The following PDGFD variants were observed in gnomAD, a reference collection of about 807,000 sequenced individuals.
PDGFD encodes platelet-derived growth factor D.
PDGFD carries 30 observed loss-of-function variants against 44.7 expected under a neutral mutation model. The observed-to-expected ratio is 0.67, with a 90% CI of 0.50 to 0.91. The LOEUF is 0.91. PDGFD is among the 40% of genes least tolerant of loss of function. The pLI, the probability that PDGFD is intolerant of heterozygous loss-of-function variation, is 0.00. For synonymous variants in PDGFD, 173 were observed against 168.4 expected (o/e 1.03, Z -0.21); for missense variants, 445 against 457.8 (o/e 0.97, Z 0.25).
intron 3 of PDGFD, among the ~76,000 whole-genome samples, chr11:103,953,190 T>C (rs1018217055): frequency 6.6e-6 from 1 of 152,096 alleles, no homozygotes; most frequent in Non-Finnish European, 1.5e-5. Flanking sequence ...ACAAAATGTA[T>C]ACATACAAAA....
intron 1 of PDGFD, among the ~76,000 whole-genome samples, chr11:104,093,442 T>C (rs570706872): frequency 6.6e-6 from 1 of 152,246 alleles, no homozygotes; most frequent in East Asian, 1.9e-4. Flanking sequence ...CCTCTAGGCC[T>C]ACCCCTACAG....
intron 3 of PDGFD, among the ~76,000 whole-genome samples, chr11:103,949,753 G>C (rs1858720978): frequency 6.6e-6 from 1 of 152,198 alleles, no homozygotes. Context: ...TGGGTGCTCT[G>C]ATACCAGTCT....
intron 1 of PDGFD, among the ~76,000 whole-genome samples, chr11:104,135,047 C>T (rs951525316): frequency 2.0e-5 from 3 of 152,180 alleles, no homozygotes; most frequent in Admixed American, 6.5e-5. Context: ...GTAGGGGCTA[C>T]AGTTAGTCCC....
chr11:104,041,059 CA>C (rs1477279607), intron 1 of PDGFD, among the ~76,000 whole-genome samples: 2 of 151,974 alleles, frequency 1.3e-5, no homozygotes, highest in African/African-American at 4.8e-5. Flanking sequence ...AAAATTCTTA[CA>C]AAATTTTATT....
intron 1 of PDGFD, among the ~76,000 whole-genome samples, chr11:104,026,064 C>T (rs771763798): frequency 3.3e-5 from 5 of 152,204 alleles, no homozygotes; most frequent in Non-Finnish European, 7.3e-5. Flanking sequence ...GCCATTGCTG[C>T]TGTTGATCCC....
intron 5 of PDGFD, among the ~76,000 whole-genome samples, chr11:103,934,248 C>T (rs1227312618): frequency 1.3e-5 from 2 of 152,174 alleles, no homozygotes; most frequent in Admixed American, 6.6e-5. Flanking sequence ...GTGTTTGAAG[C>T]ACAGGTCTAA....
intron 1 of PDGFD, among the ~76,000 whole-genome samples, chr11:104,098,622 C>T (rs1182150182): frequency 6.6e-6 from 1 of 151,796 alleles, no homozygotes; most frequent in African/African-American, 2.4e-5. Context: ...GATCCTCCTG[C>T]CTCAGCCTCC....
intron 1 of PDGFD, among the ~76,000 whole-genome samples, chr11:104,075,874 G>A (rs1330076897): frequency 6.6e-6 from 1 of 152,064 alleles, no homozygotes; most frequent in Non-Finnish European, 1.5e-5. Flanking sequence ...TTATTGCAAA[G>A]GCCTCTTAAT....
At chr11:103,935,277 A>G (rs1858471392) in intron 5 of PDGFD, among the ~76,000 whole-genome samples, 1 of 152,194 alleles carries the variant, frequency 6.6e-6, no homozygotes. Context: ...AGGCACCAGG[A>G]GGAAAAACAA....
At chr11:103,994,029 A>C (rs1173933672) in intron 3 of PDGFD, among the ~76,000 whole-genome samples, 1 of 152,244 alleles carries the variant, frequency 6.6e-6, no homozygotes, top group Admixed American at 6.5e-5. Context: ...CCAATATTCC[A>C]CTTAAAATTG....
rs144631341 is a variant in PDGFD, at chr11:103,930,063, T to C, written c.773-2937A>G. 3.0e-4 allele frequency among the ~76,000 whole-genome samples: 45 copies of C among 152,342 alleles called. No individual in the cohort carries two copies. The East Asian group carries it at 7.9e-3, about 27-fold the overall frequency. ...CCTTATTTCATCCCAGTCTACATCA[T>C]GGAATAATCCCTCTTTTTCTGTCAT... On this transcript the variant is annotated intron_variant, in intron 5 of 6. Transcript: ENST00000393158.
intron 1 of PDGFD, among the ~76,000 whole-genome samples, chr11:104,086,277 T>A (rs1861129549): frequency 6.6e-6 from 1 of 152,082 alleles, no homozygotes. Context: ...AATTTACATA[T>A]TTTCTACCTG....
In PDGFD at chr11:104,084,571, A is replaced by G. The variant is rs550258295; in HGVS notation, c.124+79233T>C. On this transcript the variant is annotated intron_variant, in intron 1 of 6. Transcript: ENST00000393158. ...ACATTTCTCAAGCATTTTGTTCTCT[A>G]GGATCTTTACACACTCTTTTTTTAA... 3.9e-4 allele frequency among the ~76,000 whole-genome samples: 59 copies of G among 150,724 alleles called. No individual in the cohort carries two copies. The South Asian group carries it at 0.011, about 28-fold the overall frequency.
At chr11:104,033,547 A>G (rs1253221160) in intron 1 of PDGFD, among the ~76,000 whole-genome samples, 1 of 152,192 alleles carries the variant, frequency 6.6e-6, no homozygotes, top group Non-Finnish European at 1.5e-5. Context: ...TATGAAGGCA[A>G]TGGTATAGAA....
chr11:104,119,001 A>T (rs183561670), intron 1 of PDGFD, among the ~76,000 whole-genome samples: 2 of 184 alleles, frequency 0.011, no homozygotes, highest in African/African-American at 0.03. Flanking sequence ...TAATATAATA[A>T]AATAATATAA....
rs78785549 is a variant in PDGFD at position 104,099,512 on chromosome 11, G to T, written c.124+64292C>A. On this transcript the variant is annotated intron_variant, in intron 1 of 6. Transcript: ENST00000393158. The stretch of plus-strand genomic sequence containing the variant: ...CCAGGTGTGGTGGCACATGCCTGTA[G>T]TCCTAGCTACTCTGGAGGCTAAGGT... Among the ~76,000 whole-genome samples the T allele has an allele frequency of 5.0e-3, 757 of 151,902 alleles. 7 individuals carry two copies. Among genetic ancestry groups the T allele is most frequent in the African/African-American group, 0.018 (734 of 41,446 alleles).
At chr11:104,149,237 T>C (rs368189455) in intron 1 of PDGFD, among the ~76,000 whole-genome samples, 41 of 152,266 alleles carry the variant, frequency 2.7e-4, no homozygotes, top group African/African-American at 8.9e-4. Context: ...TTATTGGAAA[T>C]TGCAACTTTA....
chr11:104,110,865 A>C (rs1402247679), intron 1 of PDGFD, among the ~76,000 whole-genome samples: 2 of 152,202 alleles, frequency 1.3e-5, no homozygotes, highest in Non-Finnish European at 2.9e-5. Context: ...CTGAAATCTC[A>C]GGATAAAATA....
chr11:104,099,985 T>C (rs148582548), intron 1 of PDGFD, among the ~76,000 whole-genome samples: 68 of 152,188 alleles, frequency 4.5e-4, no homozygotes, highest in Middle Eastern at 6.8e-3. Context: ...ATCCACAAAT[T>C]GGAACATAAA....
Sources: gnomAD v4.1 joint callset for allele counts (sites outside exome capture counted in the v4.1 genomes callset) on GRCh38, gnomAD v4.1.1 for gene constraint, MANE v1.5 for transcripts, NCBI Gene and HGNC (gene_info 2026-07-23, HGNC 2026-07-21) for gene names.